B3GAT1: variants seen among roughly 807,000 people sequenced by gnomAD.
The protein encoded by B3GAT1 is galactosylgalactosylxylosylprotein 3-beta-glucuronosyltransferase 1.
B3GAT1 carries 11 observed loss-of-function variants against 28.4 expected under a neutral mutation model. The ratio of observed to expected loss-of-function variants is 0.39; its 90% CI spans 0.24 to 0.64. The LOEUF (loss-of-function observed/expected upper bound fraction) is 0.64, where lower values mean the gene tolerates loss of function less well. Among genes scored for constraint, B3GAT1 ranks in the 30% least tolerant of loss-of-function variants. B3GAT1 has a pLI of 0.50. For missense variants in B3GAT1, 375 were observed against 491.0 expected (o/e 0.76, Z 2.23); for synonymous variants, 255 against 223.1 (o/e 1.14, Z -1.27).
chr11:134,404,023 A>ATTTATT lies in B3GAT1; in HGVS notation c.-282+7783_-282+7784insAATAAA, dbSNP rs1263193507. On this transcript the variant is annotated intron_variant, in intron 1 of 5. Coordinates refer to ENST00000312527, the MANE Select transcript of B3GAT1 (RefSeq NM_054025.3). ...TATATATATATATATATATATATAT[A>ATTTATT]TATATATTTATTATACGTTAAGTTC... Among the ~76,000 whole-genome samples the ATTTATT allele has an allele frequency of 2.8e-4, 31 of 112,422 alleles. 1 individual carries two copies. Among genetic ancestry groups the ATTTATT allele is most frequent in the African/African-American group, 1.0e-3 (29 of 28,038 alleles). 73.8% of individuals were successfully genotyped at this position (112,422 alleles called of 152,430 possible).
intron 2 of B3GAT1, chr11:134,384,981 A>T (rs1266302999): frequency 2.0e-5 from 3 of 152,078 alleles, no homozygotes; most frequent in African/African-American, 7.2e-5. Flanking sequence ...GTCCTAGCTT[A>T]CCGTCGGGTG....
At chr11:134,383,589 G>T in intron 3 of B3GAT1, 91 bp downstream of exon 3, 1 of 1,417,442 alleles carries the variant, frequency 7.1e-7, no homozygotes, top group Middle Eastern at 2.6e-4. Context: ...TTCCCCCTGC[G>T]CGCGCCTCCG....
rs1392474208 is a variant in B3GAT1, at chr11:134,412,063, G to C, written c.-538C>G. The stretch of plus-strand genomic sequence containing the variant: ...GCGGCCGAAGGCTGGGAGCGCGCGG[G>C]AGGGAGGGCGCGGGCAGGGAGGCGG... On this transcript the variant is annotated 5_prime_UTR_variant, in exon 1 of 6. Coordinates refer to ENST00000312527, the MANE Select transcript of B3GAT1 (RefSeq NM_054025.3). 7 of 141,374 alleles carry C rather than the reference G, an allele frequency of 5.0e-5. No individual in the cohort carries two copies. Among genetic ancestry groups the C allele is most frequent in the African/African-American group, 1.3e-4 (5 of 39,568 alleles). 8.8% of individuals were successfully genotyped at this position (141,374 alleles called of 1,614,324 possible).
In B3GAT1 at chr11:134,380,418, T is replaced by C. The variant is rs925486670; in HGVS notation, c.*344A>G. ...CCGCCCTGCATCACTGCAGGGCCAG[T>C]GTGGGCGCCCACTGCACCTGCTCCT... On this transcript the variant is annotated 3_prime_UTR_variant, in exon 6 of 6. Coordinates refer to ENST00000312527, the MANE Select transcript of B3GAT1 (RefSeq NM_054025.3). 1.2e-4 allele frequency: 19 copies of C among 152,332 alleles called. No individual in the cohort carries two copies. The highest frequency in any genetic ancestry group is 5.2e-4 in the Admixed American group (8 of 15,280). The allele number at this position is 152,332 out of a possible 1,614,324, so 9.4% of individuals were successfully genotyped here. A position where few individuals can be genotyped will look rare whatever the true frequency, so the allele number is the denominator to read the frequency against.
chr11:134,402,237 T>C (rs1944630269), intron 1 of B3GAT1, among the ~76,000 whole-genome samples: 2 of 152,308 alleles, frequency 1.3e-5, no homozygotes, highest in South Asian at 2.1e-4. Flanking sequence ...GTCGCGGGTA[T>C]GCCCCAGTGT....
intron 4 of B3GAT1, among the ~76,000 whole-genome samples, chr11:134,382,255 T>C (rs1049621473): frequency 6.6e-6 from 1 of 152,190 alleles, no homozygotes; most frequent in African/African-American, 2.4e-5. Flanking sequence ...GAATACCTGC[T>C]GGAAATGGGA....
At chr11:134,405,779 A>G (rs1944720212) in intron 1 of B3GAT1, among the ~76,000 whole-genome samples, 1 of 152,194 alleles carries the variant, frequency 6.6e-6, no homozygotes, top group African/African-American at 2.4e-5. Flanking sequence ...ATCTGTGAAA[A>G]GAAGGGAGTA....
intron 1 of B3GAT1, among the ~76,000 whole-genome samples, chr11:134,396,084 A>C (rs994608158): frequency 6.6e-6 from 1 of 152,180 alleles, no homozygotes; most frequent in Non-Finnish European, 1.5e-5. Context: ...CCAGCAAGGA[A>C]GGGATCTAGA....
intron 1 of B3GAT1, among the ~76,000 whole-genome samples, chr11:134,394,431 C>T (rs774102240): frequency 3.9e-5 from 6 of 152,344 alleles, no homozygotes; most frequent in Middle Eastern, 3.4e-3. Context: ...CAGTGCCACC[C>T]GTGCCCACAC....
At chr11:134,395,794 T>G (rs1944494061) in intron 1 of B3GAT1, among the ~76,000 whole-genome samples, 1 of 152,176 alleles carries the variant, frequency 6.6e-6, no homozygotes, top group Non-Finnish European at 1.5e-5. Context: ...ATCTAACCAA[T>G]TCCTACACAC....
At chr11:134,401,114 G>GA (rs1944605276) in intron 1 of B3GAT1, among the ~76,000 whole-genome samples, 1 of 152,224 alleles carries the variant, frequency 6.6e-6, no homozygotes. Context: ...AGGCTGTGGA[G>GA]AAAAGGGAAC....
rs557331743 is a variant in B3GAT1 at position 134,378,846 on chromosome 11, C to T, written c.*1916G>A. ...TAGGTGAAAACAACTGACCTAGCAT[C>T]TGCCCAAAGAAGTCCCCATTTTGTT... On this transcript the variant is annotated 3_prime_UTR_variant, in exon 6 of 6. Coordinates refer to ENST00000312527, the MANE Select transcript of B3GAT1 (RefSeq NM_054025.3). 1.6e-4 allele frequency: 25 copies of T among 152,382 alleles called. No homozygotes were observed. The highest frequency in any genetic ancestry group is 5.0e-4 in the African/African-American group (21 of 41,592). 9.4% of individuals were successfully genotyped at this position (152,382 alleles called of 1,614,324 possible).
Position 134,412,083 on chromosome 11 carries a change from AGGCGGGG to A in B3GAT1, c.-565_-559del, listed in dbSNP as rs1179426954. ...CGCGGGAGGGAGGGCGCGGGCAGGGAGGCGGGGGGCGGGGGGCGGGGAGGGGGAGCGG... is the reference window on the plus strand; with the variant it reads ...CGCGGGAGGGAGGGCGCGGGCAGGGAGGCGGGGGGCGGGGAGGGGGAGCGG... On this transcript the variant is annotated 5_prime_UTR_variant, in exon 1 of 6. Transcript: ENST00000312527. Among the ~76,000 whole-genome samples the A allele has an allele frequency of 1.6e-4, 3 of 19,176 alleles. No homozygotes were observed. The highest frequency in any genetic ancestry group is 3.4e-4 in the Non-Finnish European group (3 of 8,928). The allele number at this position is 19,176 out of a possible 152,430, so 12.6% of individuals were successfully genotyped here.
intron 2 of B3GAT1, 185 bp from the exon 3 acceptor site, chr11:134,384,373 G>C: frequency 1.3e-6 from 1 of 744,012 alleles, no homozygotes; most frequent in Non-Finnish European, 2.1e-6. Flanking sequence ...AATCCTCTCT[G>C]GGAGGGTCCT....
At chr11:134,398,712 G>C (rs915693575) in intron 1 of B3GAT1, among the ~76,000 whole-genome samples, 3 of 152,278 alleles carry the variant, frequency 2.0e-5, no homozygotes, top group Admixed American at 2.0e-4. Context: ...CCTGGCCCTG[G>C]GTCCACTGCT....
At chr11:134,388,067 C>A in intron 1 of B3GAT1, 127 bp from the exon 2 acceptor site, 1 of 390,584 alleles carries the variant, frequency 2.6e-6, no homozygotes, top group Non-Finnish European at 5.1e-6. Context: ...TGTCCATCAC[C>A]TGAGGACCTC....
chr11:134,383,671 C>T lies in B3GAT1; in HGVS notation c.621+9G>A, dbSNP rs1397530422. The T allele has an allele frequency of 1.9e-6, 3 of 1,552,620 alleles. No homozygotes were observed. Among genetic ancestry groups the T allele is most frequent in the South Asian group, 2.4e-5 (2 of 82,910 alleles). ...AGGTCCCGCTGCTCACTGTCGGGCCCTCCCTCACCTCTTCGAAGAGCTCCA... is the reference window on the plus strand; with the variant it reads ...AGGTCCCGCTGCTCACTGTCGGGCCTTCCCTCACCTCTTCGAAGAGCTCCA... On this transcript the variant is annotated intron_variant, in intron 3 of 5. Coordinates refer to ENST00000312527, the MANE Select transcript of B3GAT1 (RefSeq NM_054025.3).
chr11:134,389,865 T>C (rs1944372643), intron 1 of B3GAT1: 1 of 152,232 alleles, frequency 6.6e-6, no homozygotes, highest in African/African-American at 2.4e-5. Context: ...TCCAAATAGT[T>C]CTGACGCCTG....
chr11:134,396,578 C>T (rs529006656), intron 1 of B3GAT1, among the ~76,000 whole-genome samples: 27 of 151,976 alleles, frequency 1.8e-4, no homozygotes, highest in East Asian at 9.7e-4. Flanking sequence ...ATCTGTAAAA[C>T]GGGAATAAAA....
Sources: gnomAD v4.1 joint callset for allele counts (sites outside exome capture counted in the v4.1 genomes callset) on GRCh38, gnomAD v4.1.1 for gene constraint, MANE v1.5 for transcripts, NCBI Gene and HGNC (gene_info 2026-07-23, HGNC 2026-07-21) for gene names.